Variants in TNRC6C observed in about 807,000 individuals in gnomAD.
TNRC6C encodes trinucleotide repeat containing adaptor 6C.
In TNRC6C, 20 loss-of-function variants were observed where a neutral mutation model predicts 153.7. That is an observed-to-expected ratio of 0.13 (90% CI 0.09 to 0.19). The LOEUF is 0.19. Ranked by LOEUF, TNRC6C falls within the 10% of genes least tolerant of loss-of-function variation. The probability of loss-of-function intolerance (pLI) is 1.00; values close to 1 mark genes in which losing one functional copy is unlikely to be tolerated. For missense variants in TNRC6C, 1,987 were observed against 2,172.0 expected (o/e 0.91, Z 1.69); for synonymous variants, 811 against 841.4 (o/e 0.96, Z 0.63).
At chr17:78,036,637 A>C (rs1322242546) in intron 2 of TNRC6C, among the ~76,000 whole-genome samples, 6 of 152,154 alleles carry the variant, frequency 3.9e-5, no homozygotes, top group African/African-American at 1.4e-4. Flanking sequence ...GAAGAGACTT[A>C]CATAGGCCGG....
upstream of TNRC6C, among the ~76,000 whole-genome samples, chr17:78,001,075 C>A (rs1452235311): frequency 6.6e-6 from 1 of 152,202 alleles, no homozygotes; most frequent in Non-Finnish European, 1.5e-5. Context: ...TTCACCCTTT[C>A]CTCCTCCTAG....
At chr17:78,040,660 TA>T (rs1238794022) in intron 2 of TNRC6C, among the ~76,000 whole-genome samples, 1 of 152,268 alleles carries the variant, frequency 6.6e-6, no homozygotes, top group African/African-American at 2.4e-5. Context: ...AAAATGCCGT[TA>T]TTCTTTTGGC....
chr17:78,048,783 C>T (rs1479853006), intron 2 of TNRC6C, 62 bp from the exon 5 acceptor site: 2 of 1,225,422 alleles, frequency 1.6e-6, no homozygotes, highest in Non-Finnish European at 2.0e-6. Flanking sequence ...GACTAGTTAA[C>T]AGTTGATTCA....
intron 10 of TNRC6C, 112 bp from the exon 13 acceptor site, chr17:78,082,935 G>A: frequency 3.9e-6 from 5 of 1,271,548 alleles, no homozygotes; most frequent in East Asian, 2.5e-5. Context: ...TAGTTTCAGG[G>A]GGTCTCCCTA....
intron 1 of TNRC6C, among the ~76,000 whole-genome samples, chr17:77,987,751 C>T (rs2071190644): frequency 6.6e-6 from 1 of 152,142 alleles, no homozygotes; most frequent in Admixed American, 6.5e-5. Context: ...ACCATCTCAG[C>T]TCACCGCAAC....
At chr17:78,040,766 A>T (rs1393798167) in intron 2 of TNRC6C, among the ~76,000 whole-genome samples, 4 of 152,228 alleles carry the variant, frequency 2.6e-5, no homozygotes, top group African/African-American at 4.8e-5. Context: ...GAATTTAAAG[A>T]GGAAGGAAGA....
intron 1 of TNRC6C, chr17:78,008,701 G>C (rs1048577361): frequency 6.6e-6 from 1 of 152,042 alleles, no homozygotes; most frequent in Non-Finnish European, 1.5e-5. Flanking sequence ...GGTTGTTGTT[G>C]TAGTCAACTT....
At chr17:78,090,851 C>G (rs1035264946) in intron 13 of TNRC6C, among the ~76,000 whole-genome samples, 10 of 152,350 alleles carry the variant, frequency 6.6e-5, no homozygotes, top group Middle Eastern at 3.4e-3. Context: ...GTAAAGGAAA[C>G]TCACTAAAGG....
At chr17:77,975,013 A>G (rs2070977988) in intron 1 of TNRC6C, among the ~76,000 whole-genome samples, 2 of 116,268 alleles carry the variant, frequency 1.7e-5, no homozygotes, top group African/African-American at 9.4e-5. Context: ...GTAATCAAAG[A>G]AAGAAATAAG....
At chr17:78,093,193 T>G in intron 15 of TNRC6C, 69 bp downstream of exon 17, 1 of 1,509,478 alleles carries the variant, frequency 6.6e-7, no homozygotes, top group Admixed American at 1.8e-5. Flanking sequence ...CAGAGAGTGA[T>G]TAGGCTGAGA....
intron 11 of TNRC6C, among the ~76,000 whole-genome samples, chr17:78,084,225 A>T (rs547452999): frequency 6.6e-6 from 1 of 150,992 alleles, no homozygotes; most frequent in African/African-American, 2.4e-5. Flanking sequence ...CGGAGGTTGC[A>T]GTGAGCCTCG....
chr17:78,068,524 T>A (rs937676679), intron 5 of TNRC6C, among the ~76,000 whole-genome samples: 1 of 152,186 alleles, frequency 6.6e-6, no homozygotes, highest in Non-Finnish European at 1.5e-5. Flanking sequence ...CAGGGCACAG[T>A]GGCTCACACC....
chr17:78,097,852 A>G (rs184799153), intron 16 of TNRC6C: 1 of 1,546,208 alleles, frequency 6.5e-7, no homozygotes, highest in Admixed American at 2.0e-5. Context: ...ATCCGCACCT[A>G]GTGTTGCAGG....
At chr17:78,052,821 T>C (rs1367710402) in intron 3 of TNRC6C, among the ~76,000 whole-genome samples, 1 of 152,178 alleles carries the variant, frequency 6.6e-6, no homozygotes, top group Non-Finnish European at 1.5e-5. Context: ...CAAGACAGTT[T>C]TAGCCTCCAG....
At chr17:77,958,944 T>TGCCACC (rs1185179243), upstream of TNRC6C, among the ~76,000 whole-genome samples, 1 of 143,686 alleles carries the variant, frequency 7.0e-6, no homozygotes, top group African/African-American at 2.5e-5. Flanking sequence ...CGTCCGCAGC[T>TGCCACC]GCCACCGCCG....
exon 4 of TNRC6C, chr17:78,064,751 G>A (rs749536478): frequency 9.9e-6 from 16 of 1,613,682 alleles, no homozygotes; most frequent in Non-Finnish European, 1.4e-5. Context: ...AATGCCTAAT[G>A]TTCACTCAAA....
rs1442904344 is a variant in TNRC6C at position 78,079,103 on chromosome 17, G to A, written c.3211-292G>A. 6.7e-6 allele frequency among the ~76,000 whole-genome samples: 1 copy of A among 149,658 alleles called. No individual in the cohort carries two copies. The highest frequency in any genetic ancestry group is 2.4e-5 in the African/African-American group (1 of 40,844). Reference sequence around the variant, plus strand: ...AAAACTCCATCTAAAAAAAAAAAAAGCCAGGCATAGTGGCGGGGGTCTGTA... The same window carrying A: ...AAAACTCCATCTAAAAAAAAAAAAAACCAGGCATAGTGGCGGGGGTCTGTA... On this transcript the variant is annotated intron_variant, in intron 9 of 19. Transcript: ENST00000301624. This position sits in a 1 kb window ranked among gnomAD's most constrained non-coding sequence, Gnocchi z 4.3.
At chr17:78,000,611 T>TCCCC (rs1276820271), upstream of TNRC6C, among the ~76,000 whole-genome samples, 1 of 29,194 alleles carries the variant, frequency 3.4e-5, no homozygotes, top group Non-Finnish European at 6.7e-5. Context: ...TCTCTCTTTC[T>TCCCC]CCCTCCGCCC....
rs373991520 is a variant in TNRC6C, at chr17:78,039,317, C to T, written c.-219+7475C>T. On this transcript the variant is annotated intron_variant, in intron 2 of 19. Coordinates refer to ENST00000301624, the Ensembl canonical transcript of TNRC6C. ...CAGCAATTTCAAATCTTGCCCCCCC[C>T]CCCCACTCCCTACCTCTTACCAGGT... Among the ~76,000 whole-genome samples the T allele has an allele frequency of 1.6e-3, 240 of 148,744 alleles. 4 individuals carry two copies. The Middle Eastern group carries it at 0.027, about 17-fold the overall frequency.
Sources: allele counts gnomAD v4.1 joint callset (sites outside exome capture counted in the v4.1 genomes callset), GRCh38; gene constraint gnomAD v4.1.1; non-coding constraint Gnocchi (gnomAD v3.1); transcripts MANE v1.5; gene names NCBI Gene and HGNC (gene_info 2026-07-23, HGNC 2026-07-21).